Variants in IPCEF1 observed in about 807,000 individuals in gnomAD.
The protein encoded by IPCEF1 is interactor protein for cytohesin exchange factors 1.
In IPCEF1, 31 loss-of-function variants were observed where a neutral mutation model predicts 50.9. The observed-to-expected ratio is 0.61, with a 90% confidence interval of 0.46 to 0.82. IPCEF1 has a LOEUF of 0.82. IPCEF1 is among the 40% of genes least tolerant of loss of function. The probability of loss-of-function intolerance (pLI) is 0.00; values close to 1 mark genes in which losing one functional copy is unlikely to be tolerated. For synonymous variants in IPCEF1, 181 were observed against 192.0 expected (o/e 0.94, Z 0.47); for missense variants, 458 against 514.0 (o/e 0.89, Z 1.05).
chr6:154,252,939 A>G (rs1781373251), intron 3 of IPCEF1, among the ~76,000 whole-genome samples: 1 of 152,202 alleles, frequency 6.6e-6, no homozygotes, highest in Admixed American at 6.5e-5. Context: ...CTGTGCTTAA[A>G]CCCTTTTATT....
chr6:154,268,475 C>T (rs1781813937), intron 2 of IPCEF1, among the ~76,000 whole-genome samples: 1 of 152,200 alleles, frequency 6.6e-6, no homozygotes, highest in Admixed American at 6.5e-5. Context: ...CACCCATTGC[C>T]ATCATCCTAG....
chr6:154,247,402 T>G, intron 4 of IPCEF1, 47 bp downstream of exon 4: 1 of 1,519,066 alleles, frequency 6.6e-7, no homozygotes, highest in Non-Finnish European at 9.1e-7. Context: ...AAAGCCACAC[T>G]CAACGTACAC....
intron 2 of IPCEF1, among the ~76,000 whole-genome samples, chr6:154,282,364 G>A (rs13204400): frequency 0.16 from 23,569 of 152,028 alleles, 2,076 homozygotes; most frequent in East Asian, 0.42. Flanking sequence ...CGGGACCAGA[G>A]TGGTAGCGAT....
Position 154,306,355 on chromosome 6 carries a change from C to CTT in IPCEF1, c.-61-16601_-61-16600dup, listed in dbSNP as rs72149272. 3.9e-3 allele frequency among the ~76,000 whole-genome samples: 588 copies of CTT among 151,828 alleles called. 2 individuals carry two copies. The highest frequency in any genetic ancestry group is 0.013 in the African/African-American group (549 of 41,308). On this transcript the variant is annotated intron_variant, in intron 1 of 11. Transcript: ENST00000367220. ...ACAGTGCAGCACAATCCTTTCATTT[C>CTT]TTTTTATTTTAGTTTGAATTGTTTG...
In IPCEF1 at chr6:154,159,939, G is replaced by T; in HGVS notation, c.1206C>A (p.Ile402=). The change falls in exon 12 of 12, where the codon ATC becomes ATA. Residue 402 remains isoleucine (I), a synonymous_variant. Transcript: ENST00000367220. ...CCCGCTGCTGCTGATAGATGTCCTGGATCAGCAGGGTGTTCATGACTTTCC... is the reference window on the plus strand; with the variant it reads ...CCCGCTGCTGCTGATAGATGTCCTGTATCAGCAGGGTGTTCATGACTTTCC... The part of the protein sequence containing the change: ...REWKVMNTLL[I]QDIYQQQRAS... 1 of 1,613,434 alleles carries T rather than the reference G, an allele frequency of 6.2e-7. No homozygotes were observed. Among genetic ancestry groups the T allele is most frequent in the East Asian group, 2.2e-5 (1 of 44,872 alleles).
intron 1 of IPCEF1, among the ~76,000 whole-genome samples, chr6:154,314,407 T>TA (rs1333933759): frequency 1.3e-5 from 2 of 152,038 alleles, no homozygotes; most frequent in African/African-American, 4.8e-5. Flanking sequence ...AGCCCATAAT[T>TA]AAAAATAGAA....
rs978908961 is a variant in IPCEF1 at position 154,157,697 on chromosome 6, A to G, written c.*2131T>C. 6.6e-6 allele frequency: 1 copy of G among 152,254 alleles called. No individual in the cohort carries two copies. The highest frequency in any genetic ancestry group is 2.4e-5 in the African/African-American group (1 of 41,462). 9.4% of individuals were successfully genotyped at this position (152,254 alleles called of 1,614,324 possible). ...AGTCTACAGGCTGGTGTTGCAAACC[A>G]AAGAAAAATAGGTGGAAGGGCACTT... is the stretch of plus-strand genomic sequence containing the variant. On this transcript the variant is annotated 3_prime_UTR_variant, in exon 12 of 12. Transcript: ENST00000367220.
At chr6:154,196,142 G>A (rs1327971976) in intron 10 of IPCEF1, among the ~76,000 whole-genome samples, 1 of 152,088 alleles carries the variant, frequency 6.6e-6, no homozygotes, top group Non-Finnish European at 1.5e-5. Context: ...GCACATGTAT[G>A]TTAGGTACTC....
chr6:154,344,876 G>A (rs1317083799), intron 1 of IPCEF1, among the ~76,000 whole-genome samples: 1 of 152,068 alleles, frequency 6.6e-6, no homozygotes, highest in Non-Finnish European at 1.5e-5. Flanking sequence ...ATGTCACTTT[G>A]GGTCTTTTGT....
chr6:154,331,407 G>GAAAGAAAGAAAGAAAGAAAGAAAT (rs1554225595), intron 1 of IPCEF1, among the ~76,000 whole-genome samples: 1 of 131,008 alleles, frequency 7.6e-6, no homozygotes, highest in Admixed American at 8.0e-5. Context: ...AAGAAAGAAA[G>GAAAGAAAGAAAGAAAGAAAGAAAT]AGAGAGAAAA....
At chr6:154,289,526 G>A (rs79127550) in intron 2 of IPCEF1, among the ~76,000 whole-genome samples, 187 bp downstream of exon 2, 3,201 of 151,196 alleles carry the variant, frequency 0.021, 92 homozygotes, top group African/African-American at 0.072. Flanking sequence ...AATAATCTTC[G>A]GAGGACCAAA....
intron 9 of IPCEF1, among the ~76,000 whole-genome samples, chr6:154,212,079 A>G (rs1778005632): frequency 6.6e-6 from 1 of 152,236 alleles, no homozygotes; most frequent in South Asian, 2.1e-4. Context: ...AAGCACCTAC[A>G]TACATCCTAG....
At chr6:154,297,506 T>C (rs1397899711) in intron 1 of IPCEF1, among the ~76,000 whole-genome samples, 1 of 152,220 alleles carries the variant, frequency 6.6e-6, no homozygotes, top group African/African-American at 2.4e-5. Context: ...CTCACTCTGA[T>C]TGTGGCTCTG....
chr6:154,348,572 G>C (rs954046599), intron 1 of IPCEF1, among the ~76,000 whole-genome samples: 1 of 152,186 alleles, frequency 6.6e-6, no homozygotes, highest in Non-Finnish European at 1.5e-5. Flanking sequence ...TCGTAAGTGG[G>C]TCCTTATCAT....
At chr6:154,340,290 G>A (rs931626018) in intron 1 of IPCEF1, among the ~76,000 whole-genome samples, 6 of 151,674 alleles carry the variant, frequency 4.0e-5, no homozygotes, top group South Asian at 2.1e-4. Context: ...TTGCTCTGTC[G>A]CCCAGGCTGG....
chr6:154,307,720 C>G (rs7739184), intron 1 of IPCEF1, among the ~76,000 whole-genome samples: 32,249 of 152,194 alleles, frequency 0.21, 5,379 homozygotes, highest in African/African-American at 0.45. Context: ...TTTCACAGAT[C>G]TGCATTTAAT....
intron 10 of IPCEF1, among the ~76,000 whole-genome samples, chr6:154,179,002 T>C (rs143234702): frequency 2.0e-5 from 3 of 152,310 alleles, no homozygotes; most frequent in African/African-American, 7.2e-5. Context: ...GTCTACAACA[T>C]ATCACTAAAT....
Position 154,159,749 on chromosome 6 carries a change from A to T in IPCEF1, c.*79T>A. On this transcript the variant is annotated 3_prime_UTR_variant, in exon 12 of 12. Transcript: ENST00000367220. ...AGGACTGGGTTTCAGTTTTCCTTTT[A>T]AGGAAAAATGTAAGCTTTTGCAACA... 3.5e-6 allele frequency: 4 copies of T among 1,151,888 alleles called. No homozygotes were observed. The highest frequency in any genetic ancestry group is 5.0e-6 in the Non-Finnish European group (4 of 795,018). The allele number at this position is 1,151,888 out of a possible 1,614,324, so 71.4% of individuals were successfully genotyped here. A position where few individuals can be genotyped will look rare whatever the true frequency, so the allele number is the denominator to read the frequency against.
chr6:154,193,404 G>C (rs147096412), intron 10 of IPCEF1, among the ~76,000 whole-genome samples: 3 of 152,124 alleles, frequency 2.0e-5, no homozygotes, highest in African/African-American at 7.2e-5. Flanking sequence ...TACAAGTTGG[G>C]TACAGTATAT....
Sources: allele counts gnomAD v4.1 joint callset (sites outside exome capture counted in the v4.1 genomes callset), GRCh38; gene constraint gnomAD v4.1.1; transcripts MANE v1.5; gene names NCBI Gene and HGNC (gene_info 2026-07-23, HGNC 2026-07-21).